Variants in FUT9 observed in about 807,000 individuals in gnomAD.
FUT9 encodes fucosyltransferase 9.
Under a neutral mutation model 29.7 loss-of-function variants are expected in FUT9, and 15 were observed. The ratio of observed to expected loss-of-function variants is 0.51; its 90% confidence interval spans 0.34 to 0.78. The LOEUF (loss-of-function observed/expected upper bound fraction) is 0.78. Ranked by LOEUF, FUT9 falls within the 30% of genes least tolerant of loss-of-function variation. The pLI, the probability that FUT9 is intolerant of heterozygous loss-of-function variation, is 0.01. For synonymous variants in FUT9, 169 were observed against 153.7 expected (o/e 1.10, Z -0.74); for missense variants, 319 against 425.4 (o/e 0.75, Z 2.20).
rs80314966 is a variant in FUT9 at position 96,020,875 on chromosome 6, C to T, written c.-98+4663C>T. The stretch of plus-strand genomic sequence containing the variant: ...TTTGGATGAGAGGAAAACTACACTT[C>T]TAAGGCTCCCCTGACATAGTTTCTT... On this transcript the variant is annotated intron_variant, in intron 1 of 2. Transcript: ENST00000302103. The T allele has an allele frequency of 2.2e-3, 338 of 152,198 alleles. 2 individuals are homozygous for T. The highest frequency in any genetic ancestry group is 7.5e-3 in the African/African-American group (313 of 41,546). 9.4% of individuals were successfully genotyped at this position (152,198 alleles called of 1,614,324 possible).
chr6:96,077,724 C>T (rs1771162419), intron 1 of FUT9, among the ~76,000 whole-genome samples: 1 of 152,172 alleles, frequency 6.6e-6, no homozygotes, highest in South Asian at 2.1e-4. Context: ...ACAATAACGT[C>T]TGAAAGAACA....
chr6:96,125,939 A>G (rs747660947), intron 2 of FUT9, among the ~76,000 whole-genome samples: 4 of 152,156 alleles, frequency 2.6e-5, no homozygotes, highest in Non-Finnish European at 5.9e-5. Context: ...CAAGTGCTCT[A>G]GGGAATTAAA....
At chr6:96,101,296 T>G (rs1354293112) in intron 1 of FUT9, among the ~76,000 whole-genome samples, 1 of 152,106 alleles carries the variant, frequency 6.6e-6, no homozygotes, top group Non-Finnish European at 1.5e-5. Context: ...CCCAGCACTT[T>G]GGGAGGCCAA....
At chr6:96,024,046 C>A (rs1371418220) in intron 1 of FUT9, among the ~76,000 whole-genome samples, 1 of 151,776 alleles carries the variant, frequency 6.6e-6, no homozygotes, top group Admixed American at 6.6e-5. Context: ...GAAAATACAA[C>A]AGTACATGGA....
chr6:96,079,029 A>G (rs1022879236), intron 1 of FUT9, among the ~76,000 whole-genome samples: 12 of 152,090 alleles, frequency 7.9e-5, no homozygotes, highest in Non-Finnish European at 1.3e-4. Flanking sequence ...TTTCATTTTC[A>G]GATCCTTGCT....
At chr6:96,026,766 A>G (rs1351000048) in intron 1 of FUT9, among the ~76,000 whole-genome samples, 4 of 151,660 alleles carry the variant, frequency 2.6e-5, no homozygotes, top group Non-Finnish European at 3.0e-5. Context: ...CTTTCTTTGT[A>G]TTAACACAAT....
intron 2 of FUT9, among the ~76,000 whole-genome samples, chr6:96,122,023 C>G (rs986620572): frequency 6.6e-6 from 1 of 151,780 alleles, no homozygotes; most frequent in Non-Finnish European, 1.5e-5. Context: ...AGATGAGATG[C>G]GCTGGGTAGC....
chr6:96,143,620 T>A (rs1772506863), intron 2 of FUT9, among the ~76,000 whole-genome samples: 1 of 152,090 alleles, frequency 6.6e-6, no homozygotes, highest in South Asian at 2.1e-4. Context: ...CCCCCAATTA[T>A]TAGAAATACC....
At chr6:96,164,777 G>A (rs930533736) in intron 2 of FUT9, among the ~76,000 whole-genome samples, 2 of 152,162 alleles carry the variant, frequency 1.3e-5, no homozygotes, top group African/African-American at 4.8e-5. Context: ...CAAGAGGAGG[G>A]ATCCATTCAG....
At chr6:96,183,751 A>C (rs1349725350) in intron 2 of FUT9, among the ~76,000 whole-genome samples, 1 of 152,054 alleles carries the variant, frequency 6.6e-6, no homozygotes, top group African/African-American at 2.4e-5. Context: ...ACATTTATTA[A>C]CTTGCATATG....
intron 1 of FUT9, among the ~76,000 whole-genome samples, chr6:96,092,238 C>G (rs1771423214): frequency 6.6e-6 from 1 of 152,158 alleles, no homozygotes; most frequent in Non-Finnish European, 1.5e-5. Context: ...TGAATTAGAG[C>G]TGTATAAATC....
At chr6:96,048,784 G>A (rs927933219) in intron 1 of FUT9, among the ~76,000 whole-genome samples, 1 of 152,090 alleles carries the variant, frequency 6.6e-6, no homozygotes, top group Non-Finnish European at 1.5e-5. Flanking sequence ...ATGAGAGGGG[G>A]GGAACTGACC....
chr6:96,187,459 C>T (rs1328666861), intron 2 of FUT9, among the ~76,000 whole-genome samples: 1 of 152,006 alleles, frequency 6.6e-6, no homozygotes, highest in African/African-American at 2.4e-5. Context: ...CTAGTGGCAG[C>T]CAAATGATAA....
intron 1 of FUT9, among the ~76,000 whole-genome samples, chr6:96,112,998 C>T (rs189281112): frequency 1.2e-4 from 18 of 152,152 alleles, no homozygotes; most frequent in African/African-American, 3.1e-4. Flanking sequence ...GGCAAATCAT[C>T]GAATTATTTG....
chr6:96,164,274 T>TTTTTTA (rs1772971114), intron 2 of FUT9, among the ~76,000 whole-genome samples: 1 of 137,262 alleles, frequency 7.3e-6, no homozygotes. Context: ...TTTTTTTTTT[T>TTTTTTA]GAGACGGAGT....
chr6:96,048,641 A>G (rs1770608352), intron 1 of FUT9, among the ~76,000 whole-genome samples: 1 of 152,202 alleles, frequency 6.6e-6, no homozygotes, highest in Non-Finnish European at 1.5e-5. Flanking sequence ...TTAATGCTAC[A>G]TCTGGGAGGA....
At chr6:96,149,620 G>A (rs1057227148) in intron 2 of FUT9, among the ~76,000 whole-genome samples, 4 of 152,270 alleles carry the variant, frequency 2.6e-5, no homozygotes, top group Non-Finnish European at 1.5e-5. Context: ...AAACCTTATT[G>A]AAGCATGAAC....
In FUT9 at chr6:96,166,539, TTTTATCAGAAAGTA is replaced by T. The variant is rs1427643953; in HGVS notation, c.-8-36608_-8-36595del. ...TACCATTTTGCCTTTGATCTTTTAC[TTTTATCAGAAAGTA>T]AGCGCCATTAATTCTGGAATGCCAT... On this transcript the variant is annotated intron_variant, in intron 2 of 2. Transcript: ENST00000302103. Among the ~76,000 whole-genome samples, 40 of 152,340 alleles carry T rather than the reference TTTTATCAGAAAGTA, an allele frequency of 2.6e-4. No homozygotes were observed. In the Middle Eastern group the frequency reaches 0.01, roughly 39 times the overall value.
chr6:96,062,129 T>G (rs1249162793), intron 1 of FUT9, among the ~76,000 whole-genome samples: 1 of 152,102 alleles, frequency 6.6e-6, no homozygotes, highest in Non-Finnish European at 1.5e-5. Context: ...CCATGGCACG[T>G]ATATACCTAT....
Sources: allele counts gnomAD v4.1 joint callset (sites outside exome capture counted in the v4.1 genomes callset), GRCh38; gene constraint gnomAD v4.1.1; transcripts MANE v1.5; gene names NCBI Gene and HGNC (gene_info 2026-07-23, HGNC 2026-07-21).